Variants in TNNT3 observed in about 807,000 individuals in gnomAD.
The protein encoded by TNNT3 is troponin T3, fast skeletal type, also known as troponin T, fast skeletal muscle.
Under a neutral mutation model 54.2 loss-of-function variants are expected in TNNT3, and 36 were observed. The ratio of observed to expected loss-of-function variants is 0.66; its 90% CI spans 0.51 to 0.88. TNNT3 has a LOEUF of 0.88. TNNT3 is among the 40% of genes least tolerant of loss of function. The pLI is 0.00. For missense variants in TNNT3, 291 were observed against 331.6 expected (o/e 0.88, Z 0.95); for synonymous variants, 120 against 109.7 (o/e 1.09, Z -0.59).
chr11:1,933,820 G>T lies in TNNT3; in HGVS notation c.271G>T (p.Ala91Ser), dbSNP rs772808983. 2 of 1,612,680 alleles carry T rather than the reference G, an allele frequency of 1.2e-6. No individual in the cohort carries two copies. Among genetic ancestry groups the T allele is most frequent in the African/African-American group, 1.3e-5 (1 of 75,036 alleles). ...GAAGAAGGAGGAGGAGGAGCTGGTC[G>T]CTCTCAAAGAGAGAATCGTGAGTGG... is the stretch of plus-strand genomic sequence containing the variant. The part of the protein sequence containing the change: ...ARKKEEEELV[A>S]LKERIEKRRA... The change falls in exon 10 of 16, where the codon GCT becomes TCT. Residue 91 changes from alanine to serine, a missense_variant. Physicochemically the swap from Ala to Ser is moderately conservative, Grantham distance 99 (BLOSUM62 1). Coordinates refer to ENST00000278317, the MANE Select transcript of TNNT3 (RefSeq NM_006757.4).
At chr11:1,936,658 G>C (rs559214178) in intron 14 of TNNT3, among the ~76,000 whole-genome samples, 2 of 151,998 alleles carry the variant, frequency 1.3e-5, no homozygotes, top group African/African-American at 4.8e-5. Flanking sequence ...TCCGTGCTCC[G>C]TACCCCCCGC....
chr11:1,935,166 G>C (rs941149198), intron 14 of TNNT3: 2 of 586,284 alleles, frequency 3.4e-6, no homozygotes, highest in African/African-American at 3.7e-5. Flanking sequence ...CCCTTTGGGC[G>C]GCCTTGGTTA....
At chr11:1,936,523 G>C (rs1047115406) in intron 14 of TNNT3, among the ~76,000 whole-genome samples, 3 of 152,172 alleles carry the variant, frequency 2.0e-5, no homozygotes, top group African/African-American at 4.8e-5. Context: ...GCACAGGCAC[G>C]AGGGCGGGAG....
intron 15 of TNNT3, chr11:1,938,118 T>G (rs1185086609): frequency 7.5e-6 from 3 of 399,756 alleles, no homozygotes; most frequent in Non-Finnish European, 1.4e-5. Flanking sequence ...GCGTCTAGGA[T>G]TATATCATTA....
intron 4 of TNNT3, among the ~76,000 whole-genome samples, chr11:1,923,865 C>G (rs1589889082): frequency 6.6e-6 from 1 of 151,734 alleles, no homozygotes; most frequent in African/African-American, 2.4e-5. Flanking sequence ...CCTTCATCCT[C>G]CGTGTGCCAT....
At position 1,934,860 on chromosome 11, in the gene TNNT3, C is replaced by A; in HGVS notation, c.622C>A (p.His208Asn). ...DKAKELWETL[H>N]QLEIDKFEFG... ...GGCCAAGGAGCTCTGGGAGACCCTG[C>A]ACCAGCTGGAGATTGACAAGTTCGA... Residue 208 changes from histidine (H) to asparagine (N), a missense_variant, in exon 14 of 16, where the codon CAC (histidine) becomes AAC (asparagine). Coordinates refer to ENST00000278317, the MANE Select transcript of TNNT3 (RefSeq NM_006757.4). The A allele has an allele frequency of 1.2e-6, 2 of 1,613,650 alleles. No individual in the cohort carries two copies. The highest frequency in any genetic ancestry group is 3.3e-5 in the Admixed American group (2 of 60,032).
Position 1,936,324 on chromosome 11 carries a change from T to C in TNNT3, c.682-639T>C, listed in dbSNP as rs1003242597. 12 of 1,555,586 alleles carry C rather than the reference T, an allele frequency of 7.7e-6. No homozygotes were observed. In the South Asian group the frequency reaches 1.0e-4, roughly 13 times the overall value. The stretch of plus-strand genomic sequence containing the variant: ...TGCACGGTGAGGTGAACCTCTCGCA[T>C]GGCAAAAACCTGGATCGCTCAGGAT... On this transcript the variant is annotated intron_variant, in intron 14 of 15. Transcript: ENST00000278317.
At position 1,935,101 on chromosome 11, in the gene TNNT3, G is replaced by T. The variant is rs531951594; in HGVS notation, c.681+182G>T. ...AGGCTGCTTTCCTGCTGGGGACTGT[G>T]GCCAGAGCCCGTCCTCCTGGCTGGC... is the stretch of plus-strand genomic sequence containing the variant. On this transcript the variant is annotated intron_variant, in intron 14 of 15. Coordinates refer to ENST00000278317, the MANE Select transcript of TNNT3 (RefSeq NM_006757.4). 1.0e-5 allele frequency: 7 copies of T among 687,292 alleles called. No homozygotes were observed. In the African/African-American group the frequency reaches 1.1e-4, roughly 10 times the overall value. The allele number at this position is 687,292 out of a possible 1,614,324, so 42.6% of individuals were successfully genotyped here. A position where few individuals can be genotyped will look rare whatever the true frequency, so the allele number is the denominator to read the frequency against.
chr11:1,925,941 G>A (rs977165280), intron 5 of TNNT3, among the ~76,000 whole-genome samples: 1 of 152,244 alleles, frequency 6.6e-6, no homozygotes, highest in Non-Finnish European at 1.5e-5. Flanking sequence ...GGGAAAGAAC[G>A]AGTGGGCCCC....
At chr11:1,934,493 C>T (rs1471055282) in intron 12 of TNNT3, 48 bp downstream of exon 12, 43 of 1,607,464 alleles carry the variant, frequency 2.7e-5, no homozygotes, top group East Asian at 4.5e-5. Context: ...GTGTGGGCTA[C>T]GCCCTGTGCC....
chr11:1,937,821 C>G (rs910733661), intron 15 of TNNT3, among the ~76,000 whole-genome samples: 2 of 152,192 alleles, frequency 1.3e-5, no homozygotes, highest in African/African-American at 4.8e-5. Context: ...GGGCAGTCGG[C>G]GTGGTGTGCA....
chr11:1,925,277 G>A, intron 5 of TNNT3, 161 bp downstream of exon 5: 2 of 1,601,262 alleles, frequency 1.2e-6, no homozygotes, highest in Middle Eastern at 1.7e-4. Flanking sequence ...CATGAGGAAG[G>A]TATGAGGACA....
Position 1,922,861 on chromosome 11 carries a change from C to T in TNNT3, c.-14C>T. On this transcript the variant is annotated 5_prime_UTR_variant, in exon 2 of 16. Transcript: ENST00000278317. Reference sequence around the variant, plus strand: ...TCTCTGAATCTCTCTCTGCAGAAACCACCCACCTTCACCATGTCTGACGAG... The same window carrying T: ...TCTCTGAATCTCTCTCTGCAGAAACTACCCACCTTCACCATGTCTGACGAG... The T allele has an allele frequency of 6.2e-7, 1 of 1,613,096 alleles. No homozygotes were observed. The highest frequency in any genetic ancestry group is 8.5e-7 in the Non-Finnish European group (1 of 1,179,900).
Position 1,929,130 on chromosome 11 carries a change from G to GGAGGACGCGGAAGGT in TNNT3, c.94_106+2dup. 1 of 1,613,178 alleles carries GGAGGACGCGGAAGGT rather than the reference G, an allele frequency of 6.2e-7. No homozygotes were observed. The highest frequency in any genetic ancestry group is 8.5e-7 in the Non-Finnish European group (1 of 1,179,968). On this transcript the variant is annotated inframe_insertion, in exon 7 of 16. Coordinates refer to ENST00000278317, the MANE Select transcript of TNNT3 (RefSeq NM_006757.4). ...TTTGCCACCTGGAAGACACCGCAGA[G>GGAGGACGCGGAAGGT]GAGGACGCGGAAGGTAAGGGCCCGT...
At chr11:1,937,148 C>T in intron 15 of TNNT3, 145 bp downstream of exon 15, 10 of 875,948 alleles carry the variant, frequency 1.1e-5, no homozygotes, top group Non-Finnish European at 1.8e-5. Flanking sequence ...CCCAGGCCAG[C>T]ATGCGCAGGC....
rs2133375977 is a variant in TNNT3 at position 1,929,663 on chromosome 11, G to C, written c.107-147G>C. ...AGAAACAGGACCCTCTTGTTTCTGGGGGTTGGGGGTACTCCCAGCTGAAAA... is the reference window on the plus strand; with the variant it reads ...AGAAACAGGACCCTCTTGTTTCTGGCGGTTGGGGGTACTCCCAGCTGAAAA... On this transcript the variant is annotated intron_variant, in intron 7 of 15. Transcript: ENST00000278317. 3 of 870,780 alleles carry C rather than the reference G, an allele frequency of 3.4e-6. No homozygotes were observed. The East Asian group carries it at 7.9e-5, about 23-fold the overall frequency. The allele number at this position is 870,780 out of a possible 1,614,324, so 53.9% of individuals were successfully genotyped here.
chr11:1,937,946 C>T (rs1040827075), intron 15 of TNNT3, among the ~76,000 whole-genome samples: 2 of 152,174 alleles, frequency 1.3e-5, no homozygotes, highest in Non-Finnish European at 2.9e-5. Context: ...ATGGGGCCGG[C>T]CTCGCGGGCC....
chr11:1,926,384 GC>G (rs1851586093), intron 5 of TNNT3: 1 of 1,561,010 alleles, frequency 6.4e-7, no homozygotes, highest in Non-Finnish European at 8.8e-7. Context: ...GTGGCGACGG[GC>G]TTTTCCATTA....
chr11:1,932,683 A>G (rs150671566), intron 9 of TNNT3, among the ~76,000 whole-genome samples, 169 bp downstream of exon 9: 43 of 152,192 alleles, frequency 2.8e-4, no homozygotes, highest in African/African-American at 1.0e-3. Context: ...CCCTCTAAGA[A>G]TAAGCATCTC....
Sources: gnomAD v4.1 joint callset for allele counts (sites outside exome capture counted in the v4.1 genomes callset) on GRCh38, gnomAD v4.1.1 for gene constraint, MANE v1.5 for transcripts, NCBI Gene and HGNC (gene_info 2026-07-23, HGNC 2026-07-21) for gene names.